The following TRIM23 variants were observed in gnomAD, a reference collection of about 807,000 sequenced individuals.
TRIM23 encodes tripartite motif containing 23, also known as E3 ubiquitin-protein ligase TRIM23.
In TRIM23, 27 loss-of-function variants were observed where a neutral mutation model predicts 71.0. That is an observed-to-expected ratio of 0.38 (90% CI 0.28 to 0.52). The LOEUF is 0.52. Among genes scored for constraint, TRIM23 ranks in the 20% least tolerant of loss-of-function variants. The pLI is 0.84. For synonymous variants in TRIM23, 234 were observed against 238.0 expected (o/e 0.98, Z 0.16); for missense variants, 482 against 692.3 (o/e 0.70, Z 3.41).
chr5:65,600,622 T>TA (rs34809421), intron 7 of TRIM23, among the ~76,000 whole-genome samples: 35,272 of 102,108 alleles, frequency 0.35, 5,245 homozygotes, highest in African/African-American at 0.42. Flanking sequence ...AAAAGCACAG[T>TA]AAAAAAAAAA....
In TRIM23 at chr5:65,609,220, C is replaced by T. The variant is rs781281530; in HGVS notation, c.1044+23G>A. 2.5e-6 allele frequency: 4 copies of T among 1,612,760 alleles called. No individual in the cohort carries two copies. In the South Asian group the frequency reaches 4.4e-5, roughly 18 times the overall value. Reference sequence around the variant, plus strand: ...TCTACTTAAACTTACAACTAAGTCCCTAACCACATTTAAACTACCTACCTG... The same window carrying T: ...TCTACTTAAACTTACAACTAAGTCCTTAACCACATTTAAACTACCTACCTG... On this transcript the variant is annotated intron_variant, in intron 6 of 10. Coordinates refer to ENST00000231524, the MANE Select transcript of TRIM23 (RefSeq NM_001656.4).
In TRIM23 at chr5:65,591,338, G is replaced by C; in HGVS notation, c.*431C>G. ...CTACTAAATGCTGCCAACATTCAGT[G>C]AAAAGGCAGGTTAAAAGAAGCAGCT... On this transcript the variant is annotated 3_prime_UTR_variant, in exon 11 of 11. Coordinates refer to ENST00000231524, the MANE Select transcript of TRIM23 (RefSeq NM_001656.4). 2 of 1,451,012 alleles carry C rather than the reference G, an allele frequency of 1.4e-6. No individual in the cohort carries two copies. Among genetic ancestry groups the C allele is most frequent in the Non-Finnish European group, 1.8e-6 (2 of 1,102,890 alleles). 89.9% of individuals were successfully genotyped at this position (1,451,012 alleles called of 1,614,324 possible). A position where few individuals can be genotyped will look rare whatever the true frequency, so the allele number is the denominator to read the frequency against.
In TRIM23 at chr5:65,593,264, G is replaced by T. The variant is rs139575211; in HGVS notation, c.1545+1257C>A. Among the ~76,000 whole-genome samples, 172 of 152,162 alleles carry T rather than the reference G, an allele frequency of 1.1e-3. 2 individuals carry two copies. The East Asian group carries it at 0.022, about 20-fold the overall frequency. On this transcript the variant is annotated intron_variant, in intron 10 of 10. Transcript: ENST00000231524. ...AGCCTGACCAACACGATGAAACCCT[G>T]AATCTACTAAAAATACAAAAGTTAG...
rs748334797 is a variant in TRIM23 at position 65,614,206 on chromosome 5, G to A, written c.258C>T (p.Val86=). 2 of 1,613,116 alleles carry A rather than the reference G, an allele frequency of 1.2e-6. No individual in the cohort carries two copies. Among genetic ancestry groups the A allele is most frequent in the Non-Finnish European group, 8.5e-7 (1 of 1,179,400 alleles). The change falls in exon 3 of 11, where the codon GTC becomes GTT. Residue 86 remains valine (V), a synonymous_variant. Transcript: ENST00000231524. ...RQVTDLGDSG[V]WGLKKNFALL... is the part of the protein sequence containing the mutation. ...AAGCAAAATTTTTTTTCAATCCCCA[G>A]ACACCTGAATCACCTAGAATAAATA...
Position 65,591,412 on chromosome 5 carries a change from A to C in TRIM23, c.*357T>G. ...GGTCTCATTAGGCACTCAATTGGCT[A>C]TTCTTTTTTCACTGAAAGAATAAAC... On this transcript the variant is annotated 3_prime_UTR_variant, in exon 11 of 11. Transcript: ENST00000231524. 6.3e-7 allele frequency: 1 copy of C among 1,582,284 alleles called. No individual in the cohort carries two copies. The highest frequency in any genetic ancestry group is 8.6e-7 in the Non-Finnish European group (1 of 1,165,912).
chr5:65,597,775 T>C (rs772760425), intron 7 of TRIM23, among the ~76,000 whole-genome samples: 11 of 152,170 alleles, frequency 7.2e-5, no homozygotes, highest in Non-Finnish European at 1.5e-4. Flanking sequence ...AACTGATAGA[T>C]TTTAGGTAAT....
Position 65,610,980 on chromosome 5 carries a change from T to C in TRIM23, c.709A>G (p.Ile237Val). The change falls in exon 5 of 11, where the codon ATA becomes GTA. Residue 237 changes from isoleucine to valine, a missense_variant. Ile to Val is a conservative substitution (Grantham distance 29, BLOSUM62 3). This residue lies in a region of TRIM23 where 307 missense variants were observed against 495.8 expected (regional missense o/e 0.62). Coordinates refer to ENST00000231524, the MANE Select transcript of TRIM23 (RefSeq NM_001656.4). ...GAGATTTCCTCTGTGAAGGTCCGTATGCAGTGAGCCATATCTAAAATTGAT... is the reference window on the plus strand; with the variant it reads ...GAGATTTCCTCTGTGAAGGTCCGTACGCAGTGAGCCATATCTAAAATTGAT... ...RASILDMAHC[I>V]RTFTEEISDY... 13 of 1,613,944 alleles carry C rather than the reference T, an allele frequency of 8.1e-6. No individual in the cohort carries two copies. The highest frequency in any genetic ancestry group is 1.7e-4 in the Middle Eastern group (1 of 6,058).
intron 7 of TRIM23, among the ~76,000 whole-genome samples, chr5:65,603,618 T>A (rs1427940638): frequency 4.6e-5 from 7 of 152,194 alleles, no homozygotes; most frequent in Admixed American, 4.6e-4. Context: ...TAGATTTCTC[T>A]GAATAAACCT....
intron 7 of TRIM23, among the ~76,000 whole-genome samples, chr5:65,598,249 G>A (rs1754261945): frequency 6.6e-6 from 1 of 152,088 alleles, no homozygotes; most frequent in African/African-American, 2.4e-5. Flanking sequence ...AACAATATAT[G>A]GAACAGAACT....
rs976771593 is a variant in TRIM23 at position 65,590,196 on chromosome 5, CCT to C, written c.*1571_*1572del. ...TCAAGTTCTCACAAGCAATACAACA[CCT>C]TTTTTATTTTTCACAGTTATTGAAA... On this transcript the variant is annotated 3_prime_UTR_variant, in exon 11 of 11. Coordinates refer to ENST00000231524, the MANE Select transcript of TRIM23 (RefSeq NM_001656.4). 50 of 777,680 alleles carry C rather than the reference CCT, an allele frequency of 6.4e-5. No individual in the cohort carries two copies. The highest frequency in any genetic ancestry group is 8.9e-5 in the Non-Finnish European group (43 of 483,184). 48.2% of individuals were successfully genotyped at this position (777,680 alleles called of 1,614,324 possible).
chr5:65,615,339 T>A (rs570890906), intron 2 of TRIM23, among the ~76,000 whole-genome samples: 2 of 152,322 alleles, frequency 1.3e-5, no homozygotes, highest in South Asian at 4.1e-4. Flanking sequence ...CAGGACAACA[T>A]ACACACTCTT....
Position 65,591,300 on chromosome 5 carries a change from A to G in TRIM23, c.*469T>C. On this transcript the variant is annotated 3_prime_UTR_variant, in exon 11 of 11. Coordinates refer to ENST00000231524, the MANE Select transcript of TRIM23 (RefSeq NM_001656.4). ...AGTTTGGATTCTATTTCATTAAGCA[A>G]CTGTCATTTCTACTACTAAATGCTG... 7.2e-7 allele frequency: 1 copy of G among 1,391,232 alleles called. No individual in the cohort carries two copies. The highest frequency in any genetic ancestry group is 1.5e-5 in the South Asian group (1 of 64,760). 86.2% of individuals were successfully genotyped at this position (1,391,232 alleles called of 1,614,324 possible). A position where few individuals can be genotyped will look rare whatever the true frequency, so the allele number is the denominator to read the frequency against.
At chr5:65,621,101 T>C (rs566420114) in intron 1 of TRIM23, among the ~76,000 whole-genome samples, 2 of 151,800 alleles carry the variant, frequency 1.3e-5, no homozygotes, top group Non-Finnish European at 2.9e-5. Flanking sequence ...GCCTGTAATC[T>C]CAGCACTTTG....
At chr5:65,624,167 G>A (rs1264396234) in intron 1 of TRIM23, 27 bp downstream of exon 1, 3 of 1,613,856 alleles carry the variant, frequency 1.9e-6, no homozygotes, top group Admixed American at 3.3e-5. Flanking sequence ...GCCGATGGTG[G>A]AGAATAGAGC....
At chr5:65,617,988 G>A (rs1352705907) in intron 2 of TRIM23, 105 bp downstream of exon 2, 1 of 1,247,918 alleles carries the variant, frequency 8.0e-7, no homozygotes, top group Non-Finnish European at 1.1e-6. Flanking sequence ...AAACTTTCTG[G>A]GAATTTTATC....
chr5:65,610,450 CTTCT>C (rs1342119840), intron 5 of TRIM23, among the ~76,000 whole-genome samples: 1 of 152,222 alleles, frequency 6.6e-6, no homozygotes, highest in Non-Finnish European at 1.5e-5. Flanking sequence ...CTACAGTGAG[CTTCT>C]TTAAGTCTCT....
Position 65,592,228 on chromosome 5 carries a change from A to G in TRIM23, c.1546-280T>C, listed in dbSNP as rs140292244. Among the ~76,000 whole-genome samples the G allele has an allele frequency of 3.4e-3, 510 of 152,068 alleles. 4 individuals carry two copies. Among genetic ancestry groups the G allele is most frequent in the African/African-American group, 0.012 (489 of 41,510 alleles). ...CTAAAAGGAAACATACTGCCTAAGT[A>G]ATTTTTTTATCTTTTGAGACAGAGT... On this transcript the variant is annotated intron_variant, in intron 10 of 10. Transcript: ENST00000231524.
intron 10 of TRIM23, 151 bp downstream of exon 10, chr5:65,594,370 C>T: frequency 1.9e-6 from 2 of 1,062,032 alleles, no homozygotes; most frequent in Non-Finnish European, 2.7e-6. Flanking sequence ...TCCCAGGTAC[C>T]CAGCACAGCA....
chr5:65,596,555 T>C, intron 8 of TRIM23, 24 bp from the exon 9 acceptor site: 1 of 1,365,652 alleles, frequency 7.3e-7, no homozygotes, highest in Non-Finnish European at 1.0e-6. Flanking sequence ...AAAGTTACTT[T>C]TATACTATAT....
Sources: gnomAD v4.1 joint callset for allele counts (sites outside exome capture counted in the v4.1 genomes callset) on GRCh38, gnomAD v4.1.1 for gene constraint, gnomAD v4.1.1 regional missense constraint, MANE v1.5 for transcripts, NCBI Gene and HGNC (gene_info 2026-07-23, HGNC 2026-07-21) for gene names.